The following UNC80 variants were observed in gnomAD, a reference collection of about 807,000 sequenced individuals.
The protein encoded by UNC80 is unc-80 subunit of NALCN channel complex, also known as protein unc-80 homolog.
A neutral mutation model predicts 384.6 loss-of-function variants in UNC80; 164 were observed. The observed-to-expected ratio is 0.43, with a 90% CI of 0.38 to 0.49. The LOEUF is 0.49. UNC80 is among the 20% of genes least tolerant of loss of function. The probability of loss-of-function intolerance (pLI) is 0.00; values close to 1 mark genes in which losing one functional copy is unlikely to be tolerated. For synonymous variants in UNC80, 1,486 were observed against 1,527.8 expected, an observed-to-expected ratio of 0.97 and a Z score of 0.64; for missense variants, 3,330 against 4,143.0, an observed-to-expected ratio of 0.80 and a Z score of 5.39.
intron 28 of UNC80, 69 bp downstream of exon 28, chr2:209,896,482 A>G: frequency 1.6e-6 from 2 of 1,265,254 alleles, no homozygotes; most frequent in South Asian, 2.6e-5. Flanking sequence ...CCAAGGAGGG[A>G]GGACAAGAGA....
chr2:209,858,280 A>C (rs1035223022), intron 22 of UNC80, among the ~76,000 whole-genome samples: 4 of 152,078 alleles, frequency 2.6e-5, no homozygotes, highest in Non-Finnish European at 5.9e-5. Context: ...CTACCTTAAG[A>C]TATGTTTTTC....
In UNC80 at chr2:209,939,699, CTTG is replaced by C. The variant is rs761755887; in HGVS notation, c.6646+53_6646+55del. On this transcript the variant is annotated intron_variant, in intron 43 of 64. Coordinates refer to ENST00000673920, the MANE Select transcript of UNC80 (RefSeq NM_001371986.1). Reference sequence around the variant, plus strand: ...CCTCTCTGGGGCTTTTTCTAACACACTTGTTGTTTTTTTTTAAAATTTTATTAT... The same window carrying C: ...CCTCTCTGGGGCTTTTTCTAACACACTTGTTTTTTTTTAAAATTTTATTAT... The C allele has an allele frequency of 3.3e-4, 484 of 1,451,542 alleles. 2 individuals carry two copies. The African/African-American group carries it at 5.7e-3, about 17-fold the overall frequency. The allele number at this position is 1,451,542 out of a possible 1,614,324, so 89.9% of individuals were successfully genotyped here. A position where few individuals can be genotyped will look rare whatever the true frequency, so the allele number is the denominator to read the frequency against.
intron 51 of UNC80, among the ~76,000 whole-genome samples, chr2:209,962,100 C>T (rs1158397961): frequency 1.3e-5 from 2 of 152,072 alleles, no homozygotes; most frequent in East Asian, 1.9e-4. Flanking sequence ...GGGGCAAGAC[C>T]CTTTCTGGAA....
intron 23 of UNC80, among the ~76,000 whole-genome samples, chr2:209,875,752 G>A (rs1358890595): frequency 6.6e-6 from 1 of 152,044 alleles, no homozygotes. Context: ...CCGTCCCCTC[G>A]AATGTCTGCT....
At chr2:209,959,894 G>C (rs1294827801) in intron 51 of UNC80, among the ~76,000 whole-genome samples, 187 bp downstream of exon 51, 4 of 152,280 alleles carry the variant, frequency 2.6e-5, no homozygotes, top group South Asian at 4.1e-4. Context: ...CCATCAAACA[G>C]GATCTTAGCG....
At chr2:209,973,036 C>G in intron 55 of UNC80, 28 bp from the exon 56 acceptor site, 1 of 1,549,124 alleles carries the variant, frequency 6.5e-7, no homozygotes, top group South Asian at 1.2e-5. Flanking sequence ...TTTCTTTCCA[C>G]TTCCGTCTTC....
At chr2:209,822,205 A>C (rs1021875249) in intron 13 of UNC80, among the ~76,000 whole-genome samples, 1 of 152,164 alleles carries the variant, frequency 6.6e-6, no homozygotes, top group Non-Finnish European at 1.5e-5. Context: ...GAATGTATTA[A>C]TCATAAGGCA....
rs1367171210 is a variant in UNC80 at position 209,775,282 on chromosome 2, C to T, written c.142-607C>T. Among the ~76,000 whole-genome samples, 4 of 152,094 alleles carry T rather than the reference C, an allele frequency of 2.6e-5. No homozygotes were observed. The East Asian group carries it at 7.7e-4, about 29-fold the overall frequency. On this transcript the variant is annotated intron_variant, in intron 2 of 64. Transcript: ENST00000673920. ...TAAAGATGGCTTATTTTCCTCCTCC[C>T]TCCCTCCTTCCTGCTCTCCCTTCCT...
At chr2:209,808,163 A>G (rs753084337) in intron 7 of UNC80, among the ~76,000 whole-genome samples, 12 of 152,192 alleles carry the variant, frequency 7.9e-5, no homozygotes, top group Non-Finnish European at 1.5e-4. Flanking sequence ...CTTTCAAACA[A>G]TACATTTTGT....
intron 22 of UNC80, among the ~76,000 whole-genome samples, chr2:209,851,823 G>T (rs1352690213): frequency 6.6e-6 from 1 of 152,004 alleles, no homozygotes; most frequent in African/African-American, 2.4e-5. Flanking sequence ...TGGAACCCGG[G>T]TCTATCTTCC....
In UNC80 at chr2:209,967,628, C is replaced by T; in HGVS notation, c.7997C>T (p.Pro2666Leu). ...ATGTTCAACAAAATTCATAAGATGC[C>T]TACTTTGAGGTGAGAATGCCTCCGA... ...DRMFNKIHKM[P>L]TLRRQVEWEP... Residue 2666 changes from proline (P) to leucine (L), a missense_variant, in exon 52 of 65, where the codon CCT becomes CTT. Transcript: ENST00000673920. 1.3e-6 allele frequency: 2 copies of T among 1,551,402 alleles called. No homozygotes were observed. Among genetic ancestry groups the T allele is most frequent in the Non-Finnish European group, 1.7e-6 (2 of 1,146,842 alleles).
At chr2:209,862,173 G>C (rs1450894533) in intron 22 of UNC80, among the ~76,000 whole-genome samples, 2 of 152,176 alleles carry the variant, frequency 1.3e-5, no homozygotes, top group African/African-American at 4.8e-5. Context: ...TGGGCATTTA[G>C]TGCTATAAAT....
chr2:209,809,958 C>T (rs2079210711), intron 7 of UNC80, among the ~76,000 whole-genome samples: 1 of 152,118 alleles, frequency 6.6e-6, no homozygotes. Context: ...CAGACAGTGT[C>T]CACCCCAGTC....
intron 12 of UNC80, 130 bp downstream of exon 12, chr2:209,819,391 C>A: frequency 1.1e-6 from 1 of 905,484 alleles, no homozygotes; most frequent in Non-Finnish European, 1.5e-6. Context: ...AAGCCACCCA[C>A]TGAAAAAAAT....
intron 60 of UNC80, 56 bp from the exon 61 acceptor site, chr2:209,984,800 C>CTTTTTTTTT: frequency 8.8e-7 from 1 of 1,137,918 alleles, no homozygotes; most frequent in South Asian, 1.7e-5. Context: ...TTTCTTTTTT[C>CTTTTTTTTT]TTTTTTTTTT....
intron 9 of UNC80, 106 bp from the exon 10 acceptor site, chr2:209,816,803 C>T (rs373658329): frequency 9.7e-7 from 1 of 1,027,038 alleles, no homozygotes; most frequent in Admixed American, 2.4e-5. Flanking sequence ...GTCTTCTCTT[C>T]CTGGCACATT....
At chr2:209,953,663 T>C (rs56947775) in intron 47 of UNC80, among the ~76,000 whole-genome samples, 10,201 of 152,178 alleles carry the variant, frequency 0.067, 784 homozygotes, top group African/African-American at 0.18. Context: ...CTATTTATTT[T>C]TTTAAGTTCA....
intron 13 of UNC80, among the ~76,000 whole-genome samples, 198 bp from the exon 14 acceptor site, chr2:209,825,709 T>A (rs143132187): frequency 6.6e-6 from 1 of 152,156 alleles, no homozygotes; most frequent in Non-Finnish European, 1.5e-5. Flanking sequence ...AATACGTAGA[T>A]TTTTTTCTTT....
intron 60 of UNC80, among the ~76,000 whole-genome samples, chr2:209,983,242 C>T (rs958768804): frequency 5.3e-5 from 8 of 152,054 alleles, no homozygotes; most frequent in East Asian, 3.8e-4. Context: ...CAAATCCTTT[C>T]GCAAATGGTT....
Sources: gnomAD v4.1 joint callset for allele counts (sites outside exome capture counted in the v4.1 genomes callset) on GRCh38, gnomAD v4.1.1 for gene constraint, MANE v1.5 for transcripts, NCBI Gene and HGNC (gene_info 2026-07-23, HGNC 2026-07-21) for gene names.